Variants in ERICH6 observed in about 807,000 individuals in gnomAD.
ERICH6 encodes the protein glutamate rich 6.
ERICH6 carries 71 observed loss-of-function variants against 71.0 expected under a neutral mutation model. That is an observed-to-expected ratio of 1.00 (90% CI 0.83 to 1.22). The LOEUF (loss-of-function observed/expected upper bound fraction) is 1.22. Ranked by LOEUF, ERICH6 falls within the 50% of genes most tolerant of loss-of-function variation. The probability of loss-of-function intolerance (pLI) is 0.00; values close to 1 mark genes in which losing one functional copy is unlikely to be tolerated. For missense variants in ERICH6, 808 were observed against 797.2 expected, an observed-to-expected ratio of 1.01 and a Z score of -0.16; for synonymous variants, 262 against 278.4, an observed-to-expected ratio of 0.94 and a Z score of 0.59.
At chr3:150,665,847 A>G (rs1187438566) in intron 13 of ERICH6, among the ~76,000 whole-genome samples, 1 of 151,440 alleles carries the variant, frequency 6.6e-6, no homozygotes, top group East Asian at 1.9e-4. Flanking sequence ...AAAAAAAAAA[A>G]ATCAATGACA....
At chr3:150,680,086 T>C (rs1444734257) in intron 9 of ERICH6, among the ~76,000 whole-genome samples, 1 of 152,242 alleles carries the variant, frequency 6.6e-6, no homozygotes, top group Non-Finnish European at 1.5e-5. Flanking sequence ...TCTGTAGGTG[T>C]TGCTAATTTA....
At chr3:150,677,821 A>G (rs778167600) in intron 10 of ERICH6, among the ~76,000 whole-genome samples, 1 of 152,198 alleles carries the variant, frequency 6.6e-6, no homozygotes, top group Non-Finnish European at 1.5e-5. Flanking sequence ...TTTATAATTA[A>G]GTTAAAAAAG....
intron 2 of ERICH6, among the ~76,000 whole-genome samples, chr3:150,701,905 G>C (rs1471921691): frequency 6.6e-6 from 1 of 152,172 alleles, no homozygotes; most frequent in African/African-American, 2.4e-5. Flanking sequence ...ACATTGATAA[G>C]TGGACATGTA....
intron 3 of ERICH6, among the ~76,000 whole-genome samples, chr3:150,695,907 A>G (rs908912667): frequency 2.6e-5 from 4 of 151,956 alleles, no homozygotes; most frequent in Non-Finnish European, 4.4e-5. Flanking sequence ...TACATAGTCA[A>G]TGTAGTTTTG....
rs1361473526 is a variant in ERICH6 at position 150,698,807 on chromosome 3, AG to A, written c.536del (p.Ser179LeufsTer24). Reference protein sequence around the residue: ...QTEESWLQDLSDKVQSRKKAS... With the variant: ...QTEESWLQDLXDKVQSRKKAS... ...ACTACTCACTCGATTGCACTTTATC[AG>A]ACAAATCTTGGAGCCAACTTTCTTC... On this transcript the variant is annotated frameshift_variant, in exon 3 of 14. Transcript: ENST00000295910. LOFTEE classifies it high-confidence loss of function. 2.5e-6 allele frequency: 4 copies of A among 1,613,770 alleles called. No individual in the cohort carries two copies. The highest frequency in any genetic ancestry group is 3.4e-6 in the Non-Finnish European group (4 of 1,179,746).
intron 1 of ERICH6, among the ~76,000 whole-genome samples, 196 bp downstream of exon 1, chr3:150,703,300 C>T (rs552027627): frequency 2.6e-5 from 4 of 151,932 alleles, no homozygotes; most frequent in Non-Finnish European, 5.9e-5. Context: ...CTAAATCGTG[C>T]CTCATCACAA....
chr3:150,692,547 A>G (rs539494861), intron 3 of ERICH6, among the ~76,000 whole-genome samples: 1 of 152,302 alleles, frequency 6.6e-6, no homozygotes, highest in Admixed American at 6.5e-5. Flanking sequence ...TATAAAAATT[A>G]TACAGGAAGC....
intron 2 of ERICH6, among the ~76,000 whole-genome samples, chr3:150,701,528 TGTAA>T (rs752813861): frequency 1.8e-4 from 27 of 152,296 alleles, no homozygotes; most frequent in African/African-American, 4.1e-4. Context: ...ACTAAAAACA[TGTAA>T]GTGAGACAGA....
intron 11 of ERICH6, among the ~76,000 whole-genome samples, chr3:150,672,264 C>CATACATATAT (rs770361826): frequency 1.6e-5 from 2 of 123,620 alleles, no homozygotes; most frequent in Admixed American, 8.1e-5. Flanking sequence ...TTTATATATA[C>CATACATATAT]ATATATATAT....
intron 11 of ERICH6, among the ~76,000 whole-genome samples, chr3:150,671,746 G>A (rs2108046724): frequency 6.6e-6 from 1 of 152,264 alleles, no homozygotes; most frequent in Admixed American, 6.5e-5. Flanking sequence ...TCCCACCTCA[G>A]CCTTCCAGGT....
At chr3:150,665,406 A>G (rs946095229) in intron 13 of ERICH6, among the ~76,000 whole-genome samples, 1 of 147,962 alleles carries the variant, frequency 6.8e-6, no homozygotes, top group African/African-American at 2.5e-5. Flanking sequence ...AGTCCCAGCT[A>G]TTTGGGAGGC....
At chr3:150,672,653 C>CT (rs112999157) in intron 11 of ERICH6, among the ~76,000 whole-genome samples, 5,857 of 146,788 alleles carry the variant, frequency 0.04, 398 homozygotes, top group African/African-American at 0.14. Flanking sequence ...TTTCTCTTTT[C>CT]TTTTTTTTTT....
chr3:150,667,318 A>G (rs1313141735), intron 12 of ERICH6, among the ~76,000 whole-genome samples: 1 of 148,790 alleles, frequency 6.7e-6, no homozygotes, highest in African/African-American at 2.4e-5. Flanking sequence ...AGAAAATGAG[A>G]TACAGAAGAG....
chr3:150,702,239 C>T, intron 1 of ERICH6, 61 bp from the exon 2 acceptor site: 2 of 1,032,636 alleles, frequency 1.9e-6, no homozygotes, highest in East Asian at 2.5e-5. Context: ...CAATTCTACC[C>T]CCCCCAGGAA....
chr3:150,699,357 T>C (rs759551697), intron 2 of ERICH6, among the ~76,000 whole-genome samples: 8 of 152,014 alleles, frequency 5.3e-5, no homozygotes, highest in Non-Finnish European at 1.2e-4. Flanking sequence ...CACTGAAGTG[T>C]CCTTGCCCTA....
At chr3:150,662,314 G>A (rs1322786214) in intron 13 of ERICH6, among the ~76,000 whole-genome samples, 1 of 152,076 alleles carries the variant, frequency 6.6e-6, no homozygotes, top group Non-Finnish European at 1.5e-5. Context: ...AAATATATAC[G>A]GCAAAAGTTG....
intron 13 of ERICH6, among the ~76,000 whole-genome samples, chr3:150,663,279 G>A (rs1256103020): frequency 1.3e-5 from 2 of 152,134 alleles, no homozygotes; most frequent in Non-Finnish European, 2.9e-5. Context: ...AGACTCTGGA[G>A]GTATTTTGGA....
chr3:150,661,072 G>A (rs978203864), intron 13 of ERICH6, among the ~76,000 whole-genome samples: 21 of 152,212 alleles, frequency 1.4e-4, no homozygotes, highest in Non-Finnish European at 1.6e-4. Flanking sequence ...TTATCCCCCT[G>A]CCCCCACCTT....
At chr3:150,686,753 A>G (rs139912716) in intron 3 of ERICH6, among the ~76,000 whole-genome samples, 1 of 152,048 alleles carries the variant, frequency 6.6e-6, no homozygotes, top group Non-Finnish European at 1.5e-5. Context: ...TCAGCATACT[A>G]TTTTTTTCTT....
Sources: gnomAD v4.1 joint callset for allele counts (sites outside exome capture counted in the v4.1 genomes callset) on GRCh38, gnomAD v4.1.1 for gene constraint, MANE v1.5 for transcripts, NCBI Gene and HGNC (gene_info 2026-07-23, HGNC 2026-07-21) for gene names.